The following HOPX variants were observed in gnomAD, a reference collection of about 807,000 sequenced individuals.
HOPX encodes HOP homeobox.
Under a neutral mutation model 11.8 loss-of-function variants are expected in HOPX, and 5 were observed. The observed-to-expected ratio is 0.43, with a 90% CI of 0.22 to 0.89. The LOEUF is 0.89. Ranked by LOEUF, HOPX falls within the 40% of genes least tolerant of loss-of-function variation. The pLI is 0.28. For synonymous variants in HOPX, 49 were observed against 49.7 expected (o/e 0.99, Z 0.06); for missense variants, 119 against 120.0 (o/e 0.99, Z 0.04).
chr4:56,659,610 C>T (rs1275116577), intron 1 of HOPX: 1 of 152,140 alleles, frequency 6.6e-6, no homozygotes, highest in East Asian at 1.9e-4. Flanking sequence ...TATCCTTAAG[C>T]TAACAGCAGT....
intron 3 of HOPX, chr4:56,650,715 T>A (rs1312577412): frequency 1.3e-6 from 2 of 1,551,586 alleles, no homozygotes; most frequent in Non-Finnish European, 1.7e-6. Flanking sequence ...AGAAAAGTAA[T>A]CGAAAGCCAA....
chr4:56,656,348 G>A (rs1717736370), intron 2 of HOPX: 8 of 1,046,084 alleles, frequency 7.6e-6, no homozygotes, highest in African/African-American at 5.1e-5. Flanking sequence ...ACCGACCTCC[G>A]GCTCTAAGGA....
At chr4:56,660,730 A>G (rs968007601) in intron 1 of HOPX, among the ~76,000 whole-genome samples, 1 of 152,186 alleles carries the variant, frequency 6.6e-6, no homozygotes, top group Non-Finnish European at 1.5e-5. Flanking sequence ...TTCATTTTTC[A>G]TGCAAACATG....
At chr4:56,680,321 C>T (rs1414862550) in intron 1 of HOPX, 1 of 152,010 alleles carries the variant, frequency 6.6e-6, no homozygotes, top group East Asian at 1.9e-4. Context: ...GAATTAATGC[C>T]CTGCTCTATT....
At chr4:56,675,725 T>C (rs898243727) in intron 1 of HOPX, among the ~76,000 whole-genome samples, 13 of 151,708 alleles carry the variant, frequency 8.6e-5, no homozygotes, top group Admixed American at 8.5e-4. Context: ...AGACAGCAGA[T>C]ACATGCACCT....
At chr4:56,677,042 C>T (rs1345502435) in intron 1 of HOPX, among the ~76,000 whole-genome samples, 1 of 151,844 alleles carries the variant, frequency 6.6e-6, no homozygotes, top group Non-Finnish European at 1.5e-5. Context: ...AGCTACTCTG[C>T]TGGTGCCAGC....
At chr4:56,672,167 T>G (rs1029687410) in intron 1 of HOPX, among the ~76,000 whole-genome samples, 3 of 152,138 alleles carry the variant, frequency 2.0e-5, no homozygotes, top group Non-Finnish European at 4.4e-5. Context: ...TTAGAACATT[T>G]CATTTGCTTT....
intron 3 of HOPX, chr4:56,649,846 T>G (rs1716990422): frequency 6.6e-6 from 1 of 152,418 alleles, no homozygotes; most frequent in African/African-American, 2.4e-5. Flanking sequence ...TGGACCAGGT[T>G]GATCAAGAGG....
At chr4:56,670,476 GA>G in intron 1 of HOPX, among the ~76,000 whole-genome samples, 1 of 152,270 alleles carries the variant, frequency 6.6e-6, no homozygotes, top group South Asian at 2.1e-4. Flanking sequence ...TTGCAGAGAG[GA>G]AAAATGGCTC....
intron 1 of HOPX, among the ~76,000 whole-genome samples, chr4:56,661,218 T>A (rs1343928153): frequency 6.6e-6 from 1 of 152,232 alleles, no homozygotes; most frequent in Non-Finnish European, 1.5e-5. Flanking sequence ...CATATATAAT[T>A]TTTCTGTAAA....
chr4:56,666,640 C>G (rs1718456101), intron 1 of HOPX, among the ~76,000 whole-genome samples: 1 of 152,170 alleles, frequency 6.6e-6, no homozygotes, highest in Non-Finnish European at 1.5e-5. Context: ...TAGGCTTCTT[C>G]TTTGAATGTG....
At chr4:56,658,245 T>G (rs906531211) in intron 1 of HOPX, among the ~76,000 whole-genome samples, 2 of 152,266 alleles carry the variant, frequency 1.3e-5, no homozygotes, top group African/African-American at 4.8e-5. Context: ...TTTGGTTATT[T>G]AATTCCTGTT....
At chr4:56,652,586 T>C (rs545430839) in intron 3 of HOPX, among the ~76,000 whole-genome samples, 12 of 152,156 alleles carry the variant, frequency 7.9e-5, no homozygotes, top group Non-Finnish European at 1.5e-4. Context: ...GGCAAGAGGA[T>C]TGCTTGAGAC....
chr4:56,675,686 C>T (rs1226974449), intron 1 of HOPX, among the ~76,000 whole-genome samples: 1 of 151,676 alleles, frequency 6.6e-6, no homozygotes, highest in Non-Finnish European at 1.5e-5. Flanking sequence ...ACTGGAAGGC[C>T]AAAAACACAT....
intron 3 of HOPX, among the ~76,000 whole-genome samples, chr4:56,655,492 G>A (rs937616000): frequency 6.6e-6 from 1 of 152,242 alleles, no homozygotes; most frequent in Admixed American, 6.5e-5. Context: ...GGACCGAGCC[G>A]GGAAGGCGAG....
chr4:56,653,043 T>A (rs981354127), intron 3 of HOPX, among the ~76,000 whole-genome samples: 1 of 152,086 alleles, frequency 6.6e-6, no homozygotes, highest in African/African-American at 2.4e-5. Context: ...TTTTATTTAC[T>A]TACTTATTTT....
Position 56,681,266 on chromosome 4 carries a change from A to G in HOPX, c.-95T>C. 1.0e-6 allele frequency: 1 copy of G among 985,410 alleles called. No individual in the cohort carries two copies. Among genetic ancestry groups the G allele is most frequent in the Non-Finnish European group, 1.2e-6 (1 of 829,932 alleles). The allele number at this position is 985,410 out of a possible 1,614,324, so 61.0% of individuals were successfully genotyped here. ...TGAAAGGTACTTACGTGGAAGAGGCAAAGGCAAGCGCAAGCCCTGGGTTTG... is the reference window on the plus strand; with the variant it reads ...TGAAAGGTACTTACGTGGAAGAGGCGAAGGCAAGCGCAAGCCCTGGGTTTG... On this transcript the variant is annotated 5_prime_UTR_variant, in exon 1 of 4. Transcript: ENST00000420433.
At chr4:56,666,170 G>A (rs1329838970) in intron 1 of HOPX, among the ~76,000 whole-genome samples, 1 of 152,100 alleles carries the variant, frequency 6.6e-6, no homozygotes, top group Non-Finnish European at 1.5e-5. Context: ...AGCCAGGCTG[G>A]CTTTCCTTCC....
chr4:56,680,305 A>G (rs1719260711), intron 1 of HOPX: 1 of 152,142 alleles, frequency 6.6e-6, no homozygotes, highest in African/African-American at 2.4e-5. Context: ...AAAGGGATAG[A>G]CTATGGAATT....
Sources: gnomAD v4.1 joint callset for allele counts (sites outside exome capture counted in the v4.1 genomes callset) on GRCh38, gnomAD v4.1.1 for gene constraint, MANE v1.5 for transcripts, NCBI Gene and HGNC (gene_info 2026-07-23, HGNC 2026-07-21) for gene names.